POLR3A: variants seen among roughly 807,000 people sequenced by gnomAD.
POLR3A encodes the protein DNA-directed RNA polymerase III subunit RPC1.
A neutral mutation model predicts 152.8 loss-of-function variants in POLR3A; 112 were observed. The observed-to-expected ratio is 0.73, with a 90% CI of 0.63 to 0.86. The LOEUF (loss-of-function observed/expected upper bound fraction) is 0.86. POLR3A is among the 40% of genes least tolerant of loss of function. POLR3A has a pLI of 0.00. For synonymous variants in POLR3A, 615 were observed against 652.1 expected, an observed-to-expected ratio of 0.94 and a Z score of 0.87; for missense variants, 1,385 against 1,743.1, an observed-to-expected ratio of 0.79 and a Z score of 3.66.
At position 78,010,030 on chromosome 10, in the gene POLR3A, T is replaced by G. The variant is rs1216621146; in HGVS notation, c.1643-39A>C. The stretch of plus-strand genomic sequence containing the variant: ...ACCAACACAAAACAAAGAAAAGGAA[T>G]GAAATTGTGAGAATACTGCAAGGTT... On this transcript the variant is annotated intron_variant, in intron 12 of 30. Coordinates refer to ENST00000372371, the MANE Select transcript of POLR3A (RefSeq NM_007055.4). 6 of 1,611,472 alleles carry G rather than the reference T, an allele frequency of 3.7e-6. No individual in the cohort carries two copies. The South Asian group carries it at 6.6e-5, about 18-fold the overall frequency.
chr10:78,024,649 T>C lies in POLR3A; in HGVS notation c.545A>G (p.Asn182Ser), dbSNP rs753280746. The C allele has an allele frequency of 9.3e-6, 15 of 1,613,774 alleles. No individual in the cohort carries two copies. In the Admixed American group the frequency reaches 2.5e-4, roughly 27 times the overall value. The change falls in exon 5 of 31, where the codon AAC (asparagine) becomes AGC (serine). Residue 182 changes from asparagine to serine, a missense_variant. Around this residue, in one of 7 missense-constraint regions of POLR3A, gnomAD observed 493 missense variants for 647.5 expected, o/e 0.76. Transcript: ENST00000372371. ...TACAATGGGATCCACCACTTTTTTG[T>C]TGGTCTTGTATTTCTCATGAATTAT... ...LKIIHEKYKT[N>S]KKVVDPIVSN...
chr10:78,026,197 T>C lies in POLR3A; in HGVS notation c.77A>G (p.Glu26Gly). The change falls in exon 2 of 31, where the codon GAG (glutamate) becomes GGG (glycine). Residue 26 changes from glutamate to glycine, a missense_variant. This residue lies in a region of POLR3A where 493 missense variants were observed against 647.5 expected (regional missense o/e 0.76). Transcript: ENST00000372371. ...SHICFGMKSP[E>G]EMRQQAHIQV... ...GATGTGCGCCTGCTGGCGCATCTCC[T>C]CAGGTGACTTCATTCCAAAACAGAT... 1 of 1,614,214 alleles carries C rather than the reference T, an allele frequency of 6.2e-7. No homozygotes were observed. Among genetic ancestry groups the C allele is most frequent in the Non-Finnish European group, 8.5e-7 (1 of 1,180,018 alleles).
intron 5 of POLR3A, among the ~76,000 whole-genome samples, chr10:78,022,602 AG>A (rs1430158909): frequency 6.6e-6 from 1 of 152,192 alleles, no homozygotes; most frequent in Non-Finnish European, 1.5e-5. Context: ...CATTATTCCA[AG>A]GGGTGTAACT....
chr10:78,022,466 T>C (rs1015448355), intron 5 of POLR3A, 82 bp from the exon 6 acceptor site: 1 of 1,388,640 alleles, frequency 7.2e-7, no homozygotes, highest in Non-Finnish European at 1.0e-6. Context: ...CACTATGTTT[T>C]CTAACCTATC....
At chr10:77,995,763 G>A (rs1415170557) in intron 19 of POLR3A, among the ~76,000 whole-genome samples, 1 of 152,098 alleles carries the variant, frequency 6.6e-6, no homozygotes, top group African/African-American at 2.4e-5. Context: ...GAGACAGAAA[G>A]TTAACAAGGA....
chr10:78,012,672 T>TG (rs1847477961), intron 11 of POLR3A, among the ~76,000 whole-genome samples: 1 of 151,920 alleles, frequency 6.6e-6, no homozygotes, highest in Admixed American at 6.6e-5. Flanking sequence ...CATGTCCCAC[T>TG]GTGCTATTGC....
At chr10:77,979,364 C>T (rs989488574) in intron 30 of POLR3A, among the ~76,000 whole-genome samples, 1 of 152,284 alleles carries the variant, frequency 6.6e-6, no homozygotes, top group East Asian at 1.9e-4. Flanking sequence ...GGTTGCTGGC[C>T]CTCTCGAACC....
chr10:78,003,935 A>AAAC (rs1434339453), intron 16 of POLR3A, among the ~76,000 whole-genome samples: 1 of 151,774 alleles, frequency 6.6e-6, no homozygotes, highest in African/African-American at 2.4e-5. Context: ...TCTTAAAACA[A>AAAC]AACAACAACA....
intron 9 of POLR3A, 67 bp downstream of exon 9, chr10:78,019,095 G>T: frequency 9.3e-7 from 1 of 1,073,600 alleles, no homozygotes; most frequent in Non-Finnish European, 1.5e-6. Flanking sequence ...TTCTGTGGCT[G>T]AGTATGACCA....
intron 11 of POLR3A, among the ~76,000 whole-genome samples, chr10:78,010,832 A>T (rs1416282632): frequency 2.0e-5 from 3 of 152,066 alleles, no homozygotes. Context: ...AACTCTACCC[A>T]TGTAAGAAGA....
At chr10:77,989,468 A>G (rs1357799411) in intron 21 of POLR3A, among the ~76,000 whole-genome samples, 1 of 152,194 alleles carries the variant, frequency 6.6e-6, no homozygotes, top group Non-Finnish European at 1.5e-5. Context: ...GGTGGCAAGG[A>G]CATGTTTAGT....
At chr10:77,982,503 C>T in intron 27 of POLR3A, 150 bp downstream of exon 27, 2 of 886,894 alleles carry the variant, frequency 2.3e-6, no homozygotes, top group Admixed American at 2.0e-5. Context: ...TTTGATAGAA[C>T]AGAGAGGAAT....
chr10:77,984,347 T>C, intron 24 of POLR3A, 49 bp from the exon 25 acceptor site: 1 of 1,055,452 alleles, frequency 9.5e-7, no homozygotes, highest in Non-Finnish European at 1.5e-6. Flanking sequence ...GAGGAGGCTG[T>C]TTGAGGACTA....
chr10:77,989,820 A>T (rs1847230759), intron 21 of POLR3A, among the ~76,000 whole-genome samples: 1 of 152,154 alleles, frequency 6.6e-6, no homozygotes, highest in Non-Finnish European at 1.5e-5. Flanking sequence ...GTGAAGAAAA[A>T]CCAAATTACA....
chr10:77,987,506 G>C (rs1454553567), intron 21 of POLR3A, among the ~76,000 whole-genome samples: 1 of 152,054 alleles, frequency 6.6e-6, no homozygotes, highest in Non-Finnish European at 1.5e-5. Context: ...CTTGATTCTG[G>C]GGTAGGCTGA....
chr10:77,982,436 G>T, intron 27 of POLR3A, 118 bp from the exon 28 acceptor site: 5 of 1,058,126 alleles, frequency 4.7e-6, no homozygotes, highest in Non-Finnish European at 7.4e-6. Flanking sequence ...GCTAGTTTTA[G>T]GGATAAGGGA....
At chr10:78,009,717 G>GGTCTC (rs777289210) in intron 13 of POLR3A, 42 bp from the exon 14 acceptor site, 1 of 1,613,960 alleles carries the variant, frequency 6.2e-7, no homozygotes, top group Admixed American at 1.7e-5. Context: ...GGCTGAGCCT[G>GGTCTC]GTCTCAATCC....
intron 15 of POLR3A, 50 bp downstream of exon 15, chr10:78,007,652 G>A (rs755891322): frequency 3.3e-6 from 5 of 1,503,236 alleles, no homozygotes; most frequent in Non-Finnish European, 3.7e-6. Flanking sequence ...AAACCCTTAA[G>A]ACTCTAACAA....
chr10:78,018,737 C>T (rs1219298604), intron 9 of POLR3A, among the ~76,000 whole-genome samples: 4 of 151,896 alleles, frequency 2.6e-5, no homozygotes, highest in South Asian at 2.1e-4. Flanking sequence ...CGTGTGCTAC[C>T]GTGCCCAGCT....
Sources: gnomAD v4.1 joint callset for allele counts (sites outside exome capture counted in the v4.1 genomes callset) on GRCh38, gnomAD v4.1.1 for gene constraint, gnomAD v4.1.1 regional missense constraint, MANE v1.5 for transcripts, NCBI Gene and HGNC (gene_info 2026-07-23, HGNC 2026-07-21) for gene names.